ATP11A: variants seen among roughly 807,000 people sequenced by gnomAD.
ATP11A encodes phospholipid-transporting ATPase IH.
Under a neutral mutation model 154.4 loss-of-function variants are expected in ATP11A, and 81 were observed. The ratio of observed to expected loss-of-function variants is 0.52; its 90% confidence interval spans 0.44 to 0.63. The LOEUF (loss-of-function observed/expected upper bound fraction) is 0.63, where lower values mean the gene tolerates loss of function less well. ATP11A is among the 30% of genes least tolerant of loss of function. ATP11A has a pLI of 0.00. For synonymous variants in ATP11A, 623 were observed against 585.9 expected, an observed-to-expected ratio of 1.06 and a Z score of -0.91; for missense variants, 1,316 against 1,474.3, an observed-to-expected ratio of 0.89 and a Z score of 1.76.
At chr13:112,776,748 C>T (rs1443557625) in intron 1 of ATP11A, among the ~76,000 whole-genome samples, 1 of 152,136 alleles carries the variant, frequency 6.6e-6, no homozygotes, top group African/African-American at 2.4e-5. Flanking sequence ...AGGCATGTGC[C>T]ACCACTCCTG....
At chr13:112,841,474 G>A (rs1313898921) in intron 16 of ATP11A, among the ~76,000 whole-genome samples, 1 of 148,770 alleles carries the variant, frequency 6.7e-6, no homozygotes, top group Non-Finnish European at 1.5e-5. Context: ...GGGAGCACCT[G>A]CGCCCAGGCA....
At chr13:112,839,975 C>T (rs912747652) in intron 16 of ATP11A, among the ~76,000 whole-genome samples, 9 of 152,152 alleles carry the variant, frequency 5.9e-5, no homozygotes, top group Admixed American at 1.3e-4. Flanking sequence ...GCTCTGACAT[C>T]GATTGGGTAG....
At chr13:112,762,969 A>G (rs932138555) in intron 1 of ATP11A, among the ~76,000 whole-genome samples, 1 of 152,190 alleles carries the variant, frequency 6.6e-6, no homozygotes, top group Non-Finnish European at 1.5e-5. Flanking sequence ...AAAGAATAAA[A>G]CCATTCTTCA....
At chr13:112,706,860 TAAATC>T (rs971755963) in intron 1 of ATP11A, among the ~76,000 whole-genome samples, 2 of 152,270 alleles carry the variant, frequency 1.3e-5, no homozygotes, top group African/African-American at 2.4e-5. Context: ...AATACACTCT[TAAATC>T]AATGTGGTTA....
intron 1 of ATP11A, among the ~76,000 whole-genome samples, chr13:112,720,958 A>G (rs1419605925): frequency 1.3e-5 from 2 of 152,098 alleles, no homozygotes; most frequent in Non-Finnish European, 2.9e-5. Context: ...TCCTTTGGCC[A>G]AGAGGGGTCC....
chr13:112,742,500 A>G (rs425329), intron 1 of ATP11A, among the ~76,000 whole-genome samples: 24,665 of 152,158 alleles, frequency 0.16, 3,938 homozygotes, highest in African/African-American at 0.42. Context: ...CTGGATGTTC[A>G]TTAGCATTAA....
chr13:112,690,102 G>T lies in ATP11A; in HGVS notation c.-315G>T, dbSNP rs1313415392. Among the ~76,000 whole-genome samples, 9 of 148,622 alleles carry T rather than the reference G, an allele frequency of 6.1e-5. No homozygotes were observed. The highest frequency in any genetic ancestry group is 3.9e-4 in the East Asian group (2 of 5,128). On this transcript the variant is annotated 5_prime_UTR_variant, in exon 1 of 30. Transcript: ENST00000375645. The surrounding 1 kb of genome is among the most constrained non-coding windows in gnomAD (Gnocchi z 5.6). ...CAGAGCGCAGGCTCCGCCGCGGCCG[G>T]GGTGCTCCAGCCGAGCCCAACCGAG...
At chr13:112,784,986 G>T in intron 1 of ATP11A, 149 bp from the exon 2 acceptor site, 3 of 1,057,772 alleles carry the variant, frequency 2.8e-6, no homozygotes, top group Non-Finnish European at 3.7e-6. Context: ...GGGGTGCTGG[G>T]CCCCAGGTCT....
chr13:112,877,518 C>T (rs1446887753), intron 28 of ATP11A, among the ~76,000 whole-genome samples: 1 of 152,238 alleles, frequency 6.6e-6, no homozygotes, highest in African/African-American at 2.4e-5. Context: ...ACAGAAGAGA[C>T]AGCAGGGCTG....
At chr13:112,848,994 T>G (rs1166898028) in intron 17 of ATP11A, among the ~76,000 whole-genome samples, 5 of 152,234 alleles carry the variant, frequency 3.3e-5, no homozygotes, top group African/African-American at 9.6e-5. Flanking sequence ...TGCTGGTTTT[T>G]TCACTTAAGT....
intron 1 of ATP11A, among the ~76,000 whole-genome samples, chr13:112,694,724 C>G (rs1021654327): frequency 6.6e-6 from 1 of 152,158 alleles, no homozygotes; most frequent in Admixed American, 6.5e-5. Flanking sequence ...GTCAGAGCTT[C>G]TGCTTGTTTC....
At chr13:112,822,266 G>A (rs1247361037) in intron 8 of ATP11A, among the ~76,000 whole-genome samples, 2 of 152,180 alleles carry the variant, frequency 1.3e-5, no homozygotes, top group Non-Finnish European at 2.9e-5. Flanking sequence ...AATGAGAAGA[G>A]ATTATTTTTC....
At chr13:112,854,740 A>G (rs575450395) in intron 19 of ATP11A, among the ~76,000 whole-genome samples, 2 of 152,356 alleles carry the variant, frequency 1.3e-5, no homozygotes, top group East Asian at 1.9e-4. Flanking sequence ...TCTTTTTCAC[A>G]TATGTGTGTG....
intron 22 of ATP11A, chr13:112,858,952 G>A (rs547355977): frequency 4.3e-5 from 10 of 234,614 alleles, no homozygotes; most frequent in Admixed American, 3.6e-4. Flanking sequence ...CATCCCCCCA[G>A]GGTCTGGGAA....
At chr13:112,736,075 T>C (rs1890976750) in intron 1 of ATP11A, among the ~76,000 whole-genome samples, 1 of 151,990 alleles carries the variant, frequency 6.6e-6, no homozygotes, top group South Asian at 2.1e-4. Context: ...CAGAGTCCCT[T>C]TGACCTTGCT....
At chr13:112,854,222 G>T in intron 18 of ATP11A, 57 bp from the exon 19 acceptor site, 1 of 1,474,476 alleles carries the variant, frequency 6.8e-7, no homozygotes, top group South Asian at 1.2e-5. Context: ...TCCTTATTTG[G>T]ATTCCTGGGT....
At chr13:112,878,816 T>C (rs1280082664) in intron 29 of ATP11A, among the ~76,000 whole-genome samples, 2 of 152,202 alleles carry the variant, frequency 1.3e-5, no homozygotes, top group African/African-American at 4.8e-5. Flanking sequence ...TCAGGACCCA[T>C]GCACATTTCA....
chr13:112,782,873 C>T (rs577177050), intron 1 of ATP11A, among the ~76,000 whole-genome samples: 2 of 152,336 alleles, frequency 1.3e-5, no homozygotes, highest in African/African-American at 4.8e-5. Flanking sequence ...GTGGAGTGTT[C>T]CTCCCTGGCC....
Position 112,884,125 on chromosome 13 carries a change from T to C in ATP11A, c.*2259T>C, listed in dbSNP as rs1045493016. On this transcript the variant is annotated 3_prime_UTR_variant, in exon 30 of 30. Transcript: ENST00000375645. ...ACTGAATGTTCCAATCTCTGATGAA[T>C]GCGAATTTTCAGATTTGATTTTATT... 4 of 152,558 alleles carry C rather than the reference T, an allele frequency of 2.6e-5. No individual in the cohort carries two copies. Among genetic ancestry groups the C allele is most frequent in the African/African-American group, 9.6e-5 (4 of 41,470 alleles). The allele number at this position is 152,558 out of a possible 1,614,324, so 9.5% of individuals were successfully genotyped here.
Sources: gnomAD v4.1 joint callset for allele counts (sites outside exome capture counted in the v4.1 genomes callset) on GRCh38, gnomAD v4.1.1 for gene constraint, Gnocchi (gnomAD v3.1) non-coding constraint, MANE v1.5 for transcripts, NCBI Gene and HGNC (gene_info 2026-07-23, HGNC 2026-07-21) for gene names.